PGAP4: variants seen among roughly 807,000 people sequenced by gnomAD.
PGAP4 encodes post-GPI attachment to proteins GalNAc transferase 4, also known as GPI-N-acetylgalactosamine transferase PGAP4.
Under a neutral mutation model 28.2 loss-of-function variants are expected in PGAP4, and 12 were observed. That is an observed-to-expected ratio of 0.42 (90% CI 0.27 to 0.69). The LOEUF is 0.69. Ranked by LOEUF, PGAP4 falls within the 30% of genes least tolerant of loss-of-function variation. PGAP4 has a pLI of 0.22. For missense variants in PGAP4, 425 were observed against 513.5 expected (o/e 0.83, Z 1.67); for synonymous variants, 205 against 211.8 (o/e 0.97, Z 0.28).
At chr9:101,482,196 C>T (rs960980049) in intron 1 of PGAP4, among the ~76,000 whole-genome samples, 4 of 152,172 alleles carry the variant, frequency 2.6e-5, no homozygotes, top group African/African-American at 9.7e-5. Context: ...ACCGGTAATC[C>T]CACCACTTTG....
chr9:101,490,953 A>G (rs903153744), upstream of PGAP4, among the ~76,000 whole-genome samples: 3 of 152,192 alleles, frequency 2.0e-5, no homozygotes, highest in Non-Finnish European at 2.9e-5. Flanking sequence ...AACGTGCTGC[A>G]TTCTTGAGGA....
chr9:101,490,314 C>T (rs926044394), upstream of PGAP4, among the ~76,000 whole-genome samples: 44 of 152,212 alleles, frequency 2.9e-4, no homozygotes, highest in African/African-American at 1.0e-3. Context: ...CTCAGCCTCC[C>T]GAGTAGCTGG....
chr9:101,509,853 C>A (rs572306501), intron 2 of PGAP4, among the ~76,000 whole-genome samples: 1 of 148,178 alleles, frequency 6.7e-6, no homozygotes, highest in South Asian at 2.3e-4. Flanking sequence ...AACCAGAAAG[C>A]CGTCCAGTCA....
intron 2 of PGAP4, among the ~76,000 whole-genome samples, chr9:101,501,147 C>A (rs1034403159): frequency 6.6e-6 from 1 of 152,146 alleles, no homozygotes; most frequent in Non-Finnish European, 1.5e-5. Context: ...TCCAGGATAT[C>A]CAGCATGAAG....
At chr9:101,511,975 C>T (rs1300612066) in intron 2 of PGAP4, among the ~76,000 whole-genome samples, 1 of 152,054 alleles carries the variant, frequency 6.6e-6, no homozygotes, top group African/African-American at 2.4e-5. Flanking sequence ...GCCAGAATGA[C>T]AAAAACTCAA....
At chr9:101,505,679 G>A (rs1161388235) in intron 2 of PGAP4, among the ~76,000 whole-genome samples, 1 of 152,044 alleles carries the variant, frequency 6.6e-6, no homozygotes, top group Non-Finnish European at 1.5e-5. Flanking sequence ...TAGAGTTAAA[G>A]AATTTTCCAA....
upstream of PGAP4, among the ~76,000 whole-genome samples, chr9:101,490,791 C>A (rs1024544430): frequency 2.0e-5 from 3 of 152,148 alleles, no homozygotes; most frequent in Non-Finnish European, 4.4e-5. Flanking sequence ...ATGAGAGTTT[C>A]CAAACCTGCT....
intron 1 of PGAP4, among the ~76,000 whole-genome samples, chr9:101,485,003 C>T (rs942410175): frequency 6.6e-6 from 1 of 152,194 alleles, no homozygotes; most frequent in Non-Finnish European, 1.5e-5. Flanking sequence ...TGATTCAACA[C>T]TGAGTCTTGT....
chr9:101,482,894 A>G (rs979140846), intron 1 of PGAP4, among the ~76,000 whole-genome samples: 4 of 152,196 alleles, frequency 2.6e-5, no homozygotes, highest in African/African-American at 4.8e-5. Flanking sequence ...ACATATCCCA[A>G]TGTTGTGCTA....
At chr9:101,492,621 G>T (rs912423145) in intron 2 of PGAP4, among the ~76,000 whole-genome samples, 2 of 152,142 alleles carry the variant, frequency 1.3e-5, no homozygotes, top group South Asian at 4.2e-4. Flanking sequence ...CTAGTAGGCA[G>T]TTTGACTTGC....
chr9:101,491,981 G>T (rs1406060825), upstream of PGAP4, among the ~76,000 whole-genome samples: 1 of 151,446 alleles, frequency 6.6e-6, no homozygotes, highest in Non-Finnish European at 1.5e-5. Flanking sequence ...CATGAGCTAA[G>T]ATCTGTGTAG....
chr9:101,496,641 T>C (rs1381464105), intron 2 of PGAP4, among the ~76,000 whole-genome samples: 1 of 151,420 alleles, frequency 6.6e-6, no homozygotes, highest in African/African-American at 2.4e-5. Flanking sequence ...TATTAGAACT[T>C]GTATACACCA....
intron 2 of PGAP4, among the ~76,000 whole-genome samples, chr9:101,494,863 AT>A: frequency 6.6e-6 from 1 of 151,400 alleles, no homozygotes; most frequent in East Asian, 1.9e-4. Context: ...GACTGACAGC[AT>A]TACACCAGGA....
At chr9:101,498,340 T>A (rs1588205592) in intron 2 of PGAP4, among the ~76,000 whole-genome samples, 1 of 151,962 alleles carries the variant, frequency 6.6e-6, no homozygotes, top group South Asian at 2.1e-4. Flanking sequence ...TTAACCGTTT[T>A]TTTTTAGATT....
Position 101,530,020 on chromosome 9 carries a change from G to A in PGAP4, c.-165+1328C>T, listed in dbSNP as rs558187649. Among the ~76,000 whole-genome samples, 9 of 152,292 alleles carry A rather than the reference G, an allele frequency of 5.9e-5. No homozygotes were observed. The South Asian group carries it at 1.9e-3, about 32-fold the overall frequency. ...TAAAATAAGGGAGTTCCTGAATTAT[G>A]TCTGGCATACAATCCAATCCAGATT... On this transcript the variant is annotated intron_variant, in intron 2 of 3. Transcript: ENST00000374851.
At chr9:101,503,882 T>C (rs1826824995) in intron 2 of PGAP4, among the ~76,000 whole-genome samples, 1 of 152,046 alleles carries the variant, frequency 6.6e-6, no homozygotes, top group African/African-American at 2.4e-5. Flanking sequence ...AAAATTGGAC[T>C]TTCAGGGTTG....
At chr9:101,481,045 C>CA (rs1294033324) in intron 1 of PGAP4, among the ~76,000 whole-genome samples, 16 of 152,106 alleles carry the variant, frequency 1.1e-4, no homozygotes, top group Admixed American at 8.5e-4. Context: ...GGCATGGTAG[C>CA]ATGTTCCTGT....
upstream of PGAP4, among the ~76,000 whole-genome samples, chr9:101,487,621 C>G (rs938572094): frequency 2.6e-5 from 4 of 152,180 alleles, no homozygotes; most frequent in African/African-American, 9.7e-5. Context: ...CTTGGACTTT[C>G]CCTTCTGAAT....
At chr9:101,516,513 G>A (rs1486046999) in intron 2 of PGAP4, among the ~76,000 whole-genome samples, 3 of 152,156 alleles carry the variant, frequency 2.0e-5, no homozygotes, top group Non-Finnish European at 2.9e-5. Context: ...GATTGGAATT[G>A]TTTGTTAAAT....
Sources: gnomAD v4.1 joint callset for allele counts (sites outside exome capture counted in the v4.1 genomes callset) on GRCh38, gnomAD v4.1.1 for gene constraint, MANE v1.5 for transcripts, NCBI Gene and HGNC (gene_info 2026-07-23, HGNC 2026-07-21) for gene names.